Variants in EHBP1 observed in about 807,000 individuals in gnomAD.
EHBP1 encodes EH domain binding protein 1, also known as EH domain-binding protein 1.
In EHBP1, 55 loss-of-function variants were observed where a neutral mutation model predicts 144.0. That is an observed-to-expected ratio of 0.38 (90% CI 0.31 to 0.48). The LOEUF (loss-of-function observed/expected upper bound fraction) is 0.48, where lower values mean the gene tolerates loss of function less well. EHBP1 is among the 20% of genes least tolerant of loss of function. The pLI is 0.98. For missense variants in EHBP1, 1,200 were observed against 1,364.2 expected (o/e 0.88, Z 1.90); for synonymous variants, 469 against 472.7 (o/e 0.99, Z 0.10).
At chr2:62,897,358 C>T (rs2053023460) in intron 10 of EHBP1, among the ~76,000 whole-genome samples, 4 of 152,162 alleles carry the variant, frequency 2.6e-5, no homozygotes, top group Admixed American at 2.6e-4. Flanking sequence ...GCCAATTACT[C>T]ATACATGGTG....
intron 15 of EHBP1, chr2:62,987,797 C>A: frequency 2.1e-6 from 1 of 487,502 alleles, no homozygotes; most frequent in Non-Finnish European, 3.5e-6. Context: ...AAACTGATTT[C>A]TTAACTTGCT....
At chr2:62,713,281 CA>C (rs2035337815) in intron 2 of EHBP1, among the ~76,000 whole-genome samples, 1 of 147,682 alleles carries the variant, frequency 6.8e-6, no homozygotes, top group South Asian at 2.1e-4. Context: ...GAGACAGAGT[CA>C]CACTCTGTTG....
chr2:62,782,886 C>G (rs2042539931), intron 5 of EHBP1, among the ~76,000 whole-genome samples: 1 of 151,740 alleles, frequency 6.6e-6, no homozygotes, highest in Non-Finnish European at 1.5e-5. Flanking sequence ...AGTCTTAACT[C>G]ATTCCAGCAT....
chr2:62,855,115 A>C (rs1407211487), intron 7 of EHBP1, among the ~76,000 whole-genome samples: 1 of 152,182 alleles, frequency 6.6e-6, no homozygotes, highest in Non-Finnish European at 1.5e-5. Context: ...ACATCCCTGC[A>C]TTCTTGTGGG....
At chr2:62,988,443 T>C (rs978490462) in intron 15 of EHBP1, among the ~76,000 whole-genome samples, 2 of 152,142 alleles carry the variant, frequency 1.3e-5, no homozygotes, top group South Asian at 2.1e-4. Flanking sequence ...ATAGTCTTAG[T>C]TATAATATTA....
At chr2:62,690,832 C>A (rs1306412110) in intron 1 of EHBP1, among the ~76,000 whole-genome samples, 1 of 152,148 alleles carries the variant, frequency 6.6e-6, no homozygotes, top group Non-Finnish European at 1.5e-5. Flanking sequence ...GGATTTTGCC[C>A]TCTCCCCATA....
chr2:62,676,106 G>A (rs1037041559), intron 1 of EHBP1, among the ~76,000 whole-genome samples: 1 of 85,932 alleles, frequency 1.2e-5, no homozygotes, highest in African/African-American at 5.8e-5. Flanking sequence ...CCAAAATAGA[G>A]CTGCCCTCTT....
chr2:62,676,285 T>G (rs967473398), intron 1 of EHBP1, among the ~76,000 whole-genome samples: 1 of 152,260 alleles, frequency 6.6e-6, no homozygotes, highest in Admixed American at 6.5e-5. Context: ...CCTTAATGAC[T>G]AGTAAGATAT....
chr2:62,900,045 A>G (rs1385352780), intron 10 of EHBP1, among the ~76,000 whole-genome samples: 1 of 152,210 alleles, frequency 6.6e-6, no homozygotes, highest in Non-Finnish European at 1.5e-5. Context: ...ACTTGCAAAA[A>G]TGAATCTTCT....
chr2:62,933,389 A>C (rs1367473140), intron 10 of EHBP1, among the ~76,000 whole-genome samples: 1 of 152,202 alleles, frequency 6.6e-6, no homozygotes, highest in Non-Finnish European at 1.5e-5. Flanking sequence ...AATACTTCTC[A>C]AATGATTAGA....
At chr2:63,027,856 A>C (rs1350844542) in intron 19 of EHBP1, among the ~76,000 whole-genome samples, 5 of 152,170 alleles carry the variant, frequency 3.3e-5, no homozygotes, top group African/African-American at 1.2e-4. Flanking sequence ...AAGGATACAA[A>C]ATTTCAGTTC....
intron 5 of EHBP1, among the ~76,000 whole-genome samples, chr2:62,823,875 TG>T (rs1375385915): frequency 3.3e-5 from 5 of 152,028 alleles, no homozygotes; most frequent in Non-Finnish European, 7.4e-5. Flanking sequence ...GTATTGGGAA[TG>T]GATATCATAG....
chr2:62,722,966 G>T (rs1008811974), intron 2 of EHBP1, among the ~76,000 whole-genome samples: 11 of 152,194 alleles, frequency 7.2e-5, no homozygotes, highest in Admixed American at 3.3e-4. Flanking sequence ...GTGGAGATGA[G>T]AAGAATGTAT....
At position 62,948,294 on chromosome 2, in the gene EHBP1, G is replaced by A. The variant is rs2057182671; in HGVS notation, c.1448G>A (p.Arg483Gln). Residue 483 changes from arginine (R) to glutamine (Q), a missense_variant, in exon 13 of 23, where the codon CGA (arginine) becomes CAA (glutamine). Arg to Gln is a conservative substitution (Grantham distance 43). Transcript: ENST00000431489. Reference protein sequence around the residue: ...YDGFASIGISRLLEPSDMVLL... With the variant: ...YDGFASIGISQLLEPSDMVLL... ...GGATTTGCCAGCATAGGAATTTCCC[G>A]ATTATTGGAACCTTCTGATATGGTA... is the stretch of plus-strand genomic sequence containing the variant. 7 of 1,583,230 alleles carry A rather than the reference G, an allele frequency of 4.4e-6. No homozygotes were observed. The highest frequency in any genetic ancestry group is 6.0e-6 in the Non-Finnish European group (7 of 1,164,382).
intron 10 of EHBP1, among the ~76,000 whole-genome samples, chr2:62,908,303 C>G (rs1014102585): frequency 6.6e-6 from 1 of 152,130 alleles, no homozygotes; most frequent in Non-Finnish European, 1.5e-5. Flanking sequence ...TATTACCTCT[C>G]TCATTTCTGA....
intron 10 of EHBP1, among the ~76,000 whole-genome samples, chr2:62,906,355 A>T (rs2098306): frequency 1 from 152,284 of 152,300 alleles, 76,134 homozygotes; most frequent in Middle Eastern, 1. Flanking sequence ...TCCTGTTGCT[A>T]TATCATAAGT....
chr2:62,734,434 A>G (rs939142495), intron 2 of EHBP1, among the ~76,000 whole-genome samples: 8 of 147,496 alleles, frequency 5.4e-5, no homozygotes, highest in Middle Eastern at 3.7e-3. Context: ...AAATATATAT[A>G]TATAATTCAT....
At chr2:62,948,207 G>A (rs1468015239) in intron 12 of EHBP1, 53 bp from the exon 13 acceptor site, 14 of 1,418,266 alleles carry the variant, frequency 9.9e-6, no homozygotes, top group Non-Finnish European at 7.5e-6. Context: ...TTTTTAAAAT[G>A]TGTGAATTAT....
intron 3 of EHBP1, among the ~76,000 whole-genome samples, chr2:62,761,640 A>G (rs2040777204): frequency 6.6e-6 from 1 of 152,122 alleles, no homozygotes; most frequent in Admixed American, 6.5e-5. Flanking sequence ...ATCTGCACTC[A>G]TATACTGTAA....
Sources: allele counts gnomAD v4.1 joint callset (sites outside exome capture counted in the v4.1 genomes callset), GRCh38; gene constraint gnomAD v4.1.1; transcripts MANE v1.5; gene names NCBI Gene and HGNC (gene_info 2026-07-23, HGNC 2026-07-21).